The following KCNH5 variants were observed in gnomAD, a reference collection of about 807,000 sequenced individuals.
KCNH5 encodes the protein voltage-gated delayed rectifier potassium channel KCNH5.
Under a neutral mutation model 96.1 loss-of-function variants are expected in KCNH5, and 46 were observed. The ratio of observed to expected loss-of-function variants is 0.48; its 90% CI spans 0.38 to 0.61. The LOEUF is 0.61. KCNH5 is among the 20% of genes least tolerant of loss of function. The pLI is 0.00. For synonymous variants in KCNH5, 439 were observed against 449.8 expected, an observed-to-expected ratio of 0.98 and a Z score of 0.30; for missense variants, 907 against 1,225.8, an observed-to-expected ratio of 0.74 and a Z score of 3.88.
chr14:62,711,279 C>G (rs2139902729), intron 10 of KCNH5, among the ~76,000 whole-genome samples: 1 of 151,250 alleles, frequency 6.6e-6, no homozygotes, highest in African/African-American at 2.4e-5. Context: ...TACTATTTAG[C>G]TAGAAACAAA....
intron 7 of KCNH5, among the ~76,000 whole-genome samples, chr14:62,886,824 A>G (rs150141228): frequency 7.2e-4 from 109 of 152,306 alleles, no homozygotes; most frequent in African/African-American, 2.5e-3. Flanking sequence ...ATCTTGATTT[A>G]AAAAAGGGAG....
chr14:63,005,686 G>A (rs892071020), intron 3 of KCNH5, among the ~76,000 whole-genome samples: 2 of 152,212 alleles, frequency 1.3e-5, no homozygotes, highest in African/African-American at 4.8e-5. Flanking sequence ...GAGTTGTTGA[G>A]TATACTGTTG....
At chr14:63,011,424 G>A (rs28376422) in intron 2 of KCNH5, among the ~76,000 whole-genome samples, 16,735 of 151,248 alleles carry the variant, frequency 0.11, 1,128 homozygotes, top group East Asian at 0.36. Flanking sequence ...GTTGCAGTGA[G>A]CCAAGATCAT....
intron 10 of KCNH5, among the ~76,000 whole-genome samples, chr14:62,731,479 C>T (rs1482812630): frequency 6.6e-6 from 1 of 152,018 alleles, no homozygotes; most frequent in African/African-American, 2.4e-5. Context: ...ATGGATATAG[C>T]AAACTGTTGA....
At chr14:62,804,703 T>G (rs1206914092) in intron 8 of KCNH5, among the ~76,000 whole-genome samples, 1 of 152,220 alleles carries the variant, frequency 6.6e-6, no homozygotes, top group Admixed American at 6.5e-5. Context: ...CCTTATTTAA[T>G]TCCTCTAAAC....
intron 7 of KCNH5, among the ~76,000 whole-genome samples, chr14:62,868,282 C>G (rs1291642542): frequency 6.6e-6 from 1 of 152,226 alleles, no homozygotes; most frequent in African/African-American, 2.4e-5. Context: ...GCCCTCAGGT[C>G]TCTTACTACA....
intron 10 of KCNH5, among the ~76,000 whole-genome samples, chr14:62,773,505 T>C (rs752180172): frequency 6.6e-6 from 1 of 152,190 alleles, no homozygotes; most frequent in African/African-American, 2.4e-5. Flanking sequence ...TGGTCTTTTA[T>C]GTCCACAACC....
chr14:62,758,926 C>A (rs1013961633), intron 10 of KCNH5, among the ~76,000 whole-genome samples: 4 of 152,188 alleles, frequency 2.6e-5, no homozygotes, highest in Non-Finnish European at 4.4e-5. Flanking sequence ...TATATGCTAG[C>A]AATCCAAGGG....
intron 10 of KCNH5, among the ~76,000 whole-genome samples, chr14:62,765,513 T>G (rs1885840479): frequency 6.6e-6 from 1 of 151,952 alleles, no homozygotes; most frequent in South Asian, 2.1e-4. Flanking sequence ...AAACAAAAAT[T>G]GACAAATGGG....
intron 10 of KCNH5, among the ~76,000 whole-genome samples, chr14:62,740,429 T>G (rs992421906): frequency 3.9e-5 from 6 of 152,122 alleles, no homozygotes; most frequent in Admixed American, 1.3e-4. Context: ...TTAGCCACTA[T>G]TGCCCTCCTC....
chr14:62,718,259 C>A (rs569683057), intron 10 of KCNH5, among the ~76,000 whole-genome samples: 1 of 152,078 alleles, frequency 6.6e-6, no homozygotes, highest in South Asian at 2.1e-4. Context: ...CATATCCATG[C>A]AACAAACCTG....
At chr14:62,925,633 C>T (rs1889460637) in intron 7 of KCNH5, among the ~76,000 whole-genome samples, 1 of 152,074 alleles carries the variant, frequency 6.6e-6, no homozygotes, top group Non-Finnish European at 1.5e-5. Flanking sequence ...ACCCCTGGCA[C>T]ATATACCTGA....
intron 7 of KCNH5, among the ~76,000 whole-genome samples, chr14:62,918,390 C>T (rs923907544): frequency 5.3e-5 from 8 of 151,904 alleles, no homozygotes; most frequent in African/African-American, 1.5e-4. Context: ...AAAATTTCTA[C>T]GTGGCAAATA....
intron 6 of KCNH5, among the ~76,000 whole-genome samples, chr14:62,973,641 G>A (rs968773874): frequency 3.3e-5 from 5 of 152,110 alleles, no homozygotes; most frequent in Non-Finnish European, 7.4e-5. Context: ...CTTCATAAAT[G>A]ACCCAACCTG....
intron 1 of KCNH5, among the ~76,000 whole-genome samples, chr14:63,019,309 A>C (rs1891383955): frequency 6.6e-6 from 1 of 152,130 alleles, no homozygotes; most frequent in Non-Finnish European, 1.5e-5. Context: ...AATCACAATG[A>C]AAATGACAAC....
intron 10 of KCNH5, among the ~76,000 whole-genome samples, chr14:62,731,165 G>A (rs1286370410): frequency 2.6e-5 from 4 of 151,990 alleles, no homozygotes; most frequent in African/African-American, 4.8e-5. Context: ...GCTGGGCATG[G>A]TGGTGGGTGC....
At chr14:63,041,861 T>C (rs1325512848) in intron 1 of KCNH5, among the ~76,000 whole-genome samples, 2 of 152,142 alleles carry the variant, frequency 1.3e-5, no homozygotes, top group Admixed American at 6.5e-5. Context: ...TAGGTTATAG[T>C]TGCCACTCTG....
At chr14:62,788,596 T>G (rs1228825034) in intron 9 of KCNH5, among the ~76,000 whole-genome samples, 2 of 152,146 alleles carry the variant, frequency 1.3e-5, no homozygotes, top group Non-Finnish European at 2.9e-5. Context: ...AAATATTTTA[T>G]GAAAGGAAGA....
At chr14:62,957,875 C>T (rs1390185544) in intron 6 of KCNH5, among the ~76,000 whole-genome samples, 1 of 152,120 alleles carries the variant, frequency 6.6e-6, no homozygotes, top group East Asian at 1.9e-4. Context: ...CCAAACCTAG[C>T]CTAAATCAGC....
Sources: allele counts gnomAD v4.1 joint callset (sites outside exome capture counted in the v4.1 genomes callset), GRCh38; gene constraint gnomAD v4.1.1; transcripts MANE v1.5; gene names NCBI Gene and HGNC (gene_info 2026-07-23, HGNC 2026-07-21).